Variants in NTM observed in about 807,000 individuals in gnomAD.
NTM encodes the protein neurotrimin.
A neutral mutation model predicts 42.1 loss-of-function variants in NTM; 13 were observed. That is an observed-to-expected ratio of 0.31 (90% CI 0.20 to 0.49). The LOEUF (loss-of-function observed/expected upper bound fraction) is 0.49, where lower values mean the gene tolerates loss of function less well. Among genes scored for constraint, NTM ranks in the 20% least tolerant of loss-of-function variants. The pLI, the probability that NTM is intolerant of heterozygous loss-of-function variation, is 0.99. For synonymous variants in NTM, 187 were observed against 179.2 expected (o/e 1.04, Z -0.35); for missense variants, 373 against 452.8 (o/e 0.82, Z 1.60).
At chr11:132,240,383 A>C (rs2139198747) in intron 4 of NTM, among the ~76,000 whole-genome samples, 1 of 152,318 alleles carries the variant, frequency 6.6e-6, no homozygotes, top group South Asian at 2.1e-4. Context: ...TCAGAGTATA[A>C]ACTGGGTCTA....
In NTM at chr11:131,382,537, A is replaced by T. The variant is rs188028553; in HGVS notation, c.82+11649A>T. Among the ~76,000 whole-genome samples the T allele has an allele frequency of 2.0e-5, 3 of 152,232 alleles. No homozygotes were observed. The East Asian group carries it at 5.8e-4, about 29-fold the overall frequency. ...ATTTAATTAGTTTTCTTTTCCTTGC[A>T]GCTGAATACAATCCTAATGAATCTA... On this transcript the variant is annotated intron_variant, in intron 1 of 8. Transcript: ENST00000683400.
At position 131,399,530 on chromosome 11, in the gene NTM, G is replaced by A. The variant is rs540165125; in HGVS notation, c.82+28642G>A. On this transcript the variant is annotated intron_variant, in intron 1 of 8. Coordinates refer to ENST00000683400, the MANE Select transcript of NTM (RefSeq NM_001352005.2). ...TCACAGTTTCACAGATGAGGAGACT[G>A]AAGAGGATAGTTGAACTGACACAGA... Among the ~76,000 whole-genome samples the A allele has an allele frequency of 2.0e-5, 3 of 152,320 alleles. No individual in the cohort carries two copies. The East Asian group carries it at 5.8e-4, about 29-fold the overall frequency.
chr11:131,567,679 A>C (rs2057033903), intron 1 of NTM, among the ~76,000 whole-genome samples: 1 of 152,220 alleles, frequency 6.6e-6, no homozygotes, highest in Non-Finnish European at 1.5e-5. Context: ...AAATAGTGAT[A>C]ATTTCTAAAT....
chr11:132,217,759 G>A (rs950127658), intron 4 of NTM, among the ~76,000 whole-genome samples: 2 of 151,914 alleles, frequency 1.3e-5, no homozygotes, highest in African/African-American at 4.8e-5. Flanking sequence ...TGACTGCCCT[G>A]TTTCTTTTTT....
intron 1 of NTM, among the ~76,000 whole-genome samples, chr11:131,554,905 G>A (rs1423739414): frequency 6.6e-6 from 1 of 152,084 alleles, no homozygotes; most frequent in African/African-American, 2.4e-5. Context: ...ACCTGTCCTA[G>A]CTGTCTATTT....
intron 1 of NTM, among the ~76,000 whole-genome samples, chr11:131,838,529 A>G (rs1039856665): frequency 1.3e-5 from 2 of 152,194 alleles, no homozygotes; most frequent in African/African-American, 2.4e-5. Context: ...AATAATGTCT[A>G]TCTTTTGATG....
chr11:131,796,251 GC>G, intron 1 of NTM: 1 of 835,728 alleles, frequency 1.2e-6, no homozygotes, highest in Non-Finnish European at 1.4e-6. Flanking sequence ...CACAGGTGCG[GC>G]CCAGCCCTCT....
chr11:132,090,623 C>A (rs1329336168), intron 2 of NTM, among the ~76,000 whole-genome samples: 1 of 152,198 alleles, frequency 6.6e-6, no homozygotes, highest in African/African-American at 2.4e-5. Flanking sequence ...TTTGACCTCA[C>A]TGGAACCTAA....
chr11:131,555,568 T>C (rs775170951), intron 1 of NTM, among the ~76,000 whole-genome samples: 1 of 152,086 alleles, frequency 6.6e-6, no homozygotes, highest in Non-Finnish European at 1.5e-5. Context: ...CAATGACAGG[T>C]AGATTTGGAG....
At chr11:132,198,686 T>A (rs529847197) in intron 3 of NTM, among the ~76,000 whole-genome samples, 1 of 152,306 alleles carries the variant, frequency 6.6e-6, no homozygotes, top group South Asian at 2.1e-4. Flanking sequence ...ATTCTGCAGA[T>A]TTGCATAGAG....
intron 1 of NTM, among the ~76,000 whole-genome samples, chr11:131,479,791 T>C (rs1953356051): frequency 1.3e-5 from 2 of 152,310 alleles, no homozygotes; most frequent in African/African-American, 4.8e-5. Flanking sequence ...TGCAATTGTG[T>C]GTGAGAACGT....
At chr11:132,063,175 C>T (rs2080942698) in intron 2 of NTM, among the ~76,000 whole-genome samples, 1 of 152,178 alleles carries the variant, frequency 6.6e-6, no homozygotes. Context: ...GGACTCTCCT[C>T]TCCCTTTTGG....
At chr11:131,405,974 G>A (rs116952711) in intron 1 of NTM, among the ~76,000 whole-genome samples, 4,496 of 152,258 alleles carry the variant, frequency 0.03, 98 homozygotes, top group Non-Finnish European at 0.045. Flanking sequence ...CTCTCAGAGA[G>A]CCCTTTCTCT....
intron 3 of NTM, among the ~76,000 whole-genome samples, chr11:132,149,246 A>AAAAAAAAG (rs1555286335): frequency 6.6e-6 from 1 of 150,574 alleles, no homozygotes; most frequent in African/African-American, 2.4e-5. Context: ...AAAAAAAAAA[A>AAAAAAAAG]GGGAAAGAAA....
At chr11:131,607,802 G>A (rs1036922987) in intron 1 of NTM, among the ~76,000 whole-genome samples, 2 of 152,174 alleles carry the variant, frequency 1.3e-5, no homozygotes, top group Non-Finnish European at 2.9e-5. Flanking sequence ...GTAGACTCCA[G>A]GAAGGCAGGT....
intron 2 of NTM, among the ~76,000 whole-genome samples, chr11:131,920,089 A>G (rs752168546): frequency 6.6e-6 from 1 of 152,312 alleles, no homozygotes; most frequent in African/African-American, 2.4e-5. Flanking sequence ...TGCATTTCCC[A>G]TCAGAAAAAT....
chr11:132,095,628 C>T (rs34776743), intron 2 of NTM, among the ~76,000 whole-genome samples: 1 of 151,990 alleles, frequency 6.6e-6, no homozygotes, highest in African/African-American at 2.4e-5. Flanking sequence ...CTTCAGTAGT[C>T]GGCATGCATG....
intron 1 of NTM, among the ~76,000 whole-genome samples, chr11:131,784,446 G>A (rs1473259488): frequency 6.6e-6 from 1 of 152,098 alleles, no homozygotes; most frequent in African/African-American, 2.4e-5. Flanking sequence ...GATACACAAA[G>A]CAGAAGGAAT....
At chr11:132,206,244 T>G (rs1387742544) in intron 3 of NTM, among the ~76,000 whole-genome samples, 1 of 152,248 alleles carries the variant, frequency 6.6e-6, no homozygotes, top group African/African-American at 2.4e-5. Flanking sequence ...TTAAAAAACT[T>G]CAAATGCTTG....
Sources: allele counts gnomAD v4.1 joint callset (sites outside exome capture counted in the v4.1 genomes callset), GRCh38; gene constraint gnomAD v4.1.1; transcripts MANE v1.5; gene names NCBI Gene and HGNC (gene_info 2026-07-23, HGNC 2026-07-21).